Variants in KIF13B observed in about 807,000 individuals in gnomAD.
KIF13B encodes kinesin-like protein KIF13B.
Under a neutral mutation model 222.0 loss-of-function variants are expected in KIF13B, and 127 were observed. The ratio of observed to expected loss-of-function variants is 0.57; its 90% CI spans 0.50 to 0.66. The LOEUF (loss-of-function observed/expected upper bound fraction) is 0.66. Among genes scored for constraint, KIF13B ranks in the 30% least tolerant of loss-of-function variants. The probability of loss-of-function intolerance (pLI) is 0.00; values close to 1 mark genes in which losing one functional copy is unlikely to be tolerated. For synonymous variants in KIF13B, 976 were observed against 919.0 expected (o/e 1.06, Z -1.12); for missense variants, 2,173 against 2,379.0 (o/e 0.91, Z 1.80).
At chr8:29,229,146 C>A (rs1815172337) in intron 2 of KIF13B, among the ~76,000 whole-genome samples, 1 of 149,478 alleles carries the variant, frequency 6.7e-6, no homozygotes, top group Admixed American at 6.7e-5. Flanking sequence ...ATCAGGACAC[C>A]CTTCTGGAGT....
chr8:29,143,829 C>G (rs1810928145), intron 18 of KIF13B, among the ~76,000 whole-genome samples: 1 of 151,278 alleles, frequency 6.6e-6, no homozygotes, highest in African/African-American at 2.4e-5. Flanking sequence ...GGCAACAAAG[C>G]AAGACTCTGT....
chr8:29,141,109 G>A lies in KIF13B; in HGVS notation c.2335-492C>T, dbSNP rs547129584. Among the ~76,000 whole-genome samples, 27 of 151,778 alleles carry A rather than the reference G, an allele frequency of 1.8e-4. 1 individual carries two copies. The South Asian group carries it at 3.8e-3, about 21-fold the overall frequency. On this transcript the variant is annotated intron_variant, in intron 19 of 39. Coordinates refer to ENST00000524189, the MANE Select transcript of KIF13B (RefSeq NM_015254.4). ...AGCACTTTGGGAGGCCAAGGCAGGC[G>A]GGTCACCTGAGGTCAAGAGTTTGAG...
At chr8:29,232,317 G>T (rs1446239454) in intron 2 of KIF13B, among the ~76,000 whole-genome samples, 2 of 149,450 alleles carry the variant, frequency 1.3e-5, no homozygotes, top group Non-Finnish European at 3.0e-5. Flanking sequence ...AATATATATA[G>T]GCTTGGCACT....
intron 2 of KIF13B, among the ~76,000 whole-genome samples, chr8:29,228,472 A>AAAAAAAAAAAAAAAATATAT: frequency 2.0e-4 from 23 of 117,076 alleles, no homozygotes; most frequent in Middle Eastern, 4.4e-3. Context: ...ATCTTAAAAA[A>AAAAAAAAAAAAAAAATATAT]ATATATATAT....
chr8:29,178,416 ATAT>A (rs1317750813), intron 8 of KIF13B, among the ~76,000 whole-genome samples: 1 of 152,104 alleles, frequency 6.6e-6, no homozygotes, highest in African/African-American at 2.4e-5. Flanking sequence ...TCTAATTAAG[ATAT>A]TATATACATA....
At chr8:29,204,837 C>A (rs1813857800) in intron 2 of KIF13B, among the ~76,000 whole-genome samples, 1 of 151,040 alleles carries the variant, frequency 6.6e-6, no homozygotes, top group Admixed American at 6.6e-5. Context: ...ATTTTTATTT[C>A]TCTCAGTATT....
At chr8:29,252,161 C>A (rs1044867932) in intron 1 of KIF13B, among the ~76,000 whole-genome samples, 3 of 152,192 alleles carry the variant, frequency 2.0e-5, no homozygotes, top group African/African-American at 4.8e-5. Flanking sequence ...CTTTCCAGGG[C>A]AAATTCCCCA....
At chr8:29,257,442 TC>T (rs1267794926) in intron 1 of KIF13B, among the ~76,000 whole-genome samples, 1 of 152,012 alleles carries the variant, frequency 6.6e-6, no homozygotes, top group Admixed American at 6.5e-5. Context: ...CTTCAATCCA[TC>T]TCCTTAATTA....
intron 2 of KIF13B, among the ~76,000 whole-genome samples, chr8:29,228,472 A>AAAAAAAAAAAAAAAATATATATAT: frequency 1.4e-4 from 16 of 117,072 alleles, no homozygotes; most frequent in South Asian, 2.9e-4. Flanking sequence ...ATCTTAAAAA[A>AAAAAAAAAAAAAAAATATATATAT]ATATATATAT....
At chr8:29,166,908 A>G (rs1313821673) in intron 11 of KIF13B, among the ~76,000 whole-genome samples, 3 of 152,198 alleles carry the variant, frequency 2.0e-5, no homozygotes, top group East Asian at 1.9e-4. Context: ...TATTTTCTAC[A>G]AACGTAATTA....
chr8:29,196,154 T>C (rs761429375), intron 3 of KIF13B, 33 bp downstream of exon 3: 8 of 1,542,088 alleles, frequency 5.2e-6, no homozygotes, highest in African/African-American at 1.4e-5. Context: ...ATAAGATCTT[T>C]ACAAGCATCA....
rs373233419 is a variant in KIF13B at position 29,137,176 on chromosome 8, AC to A, written c.2613+2886del. ...AAATTCCATCTGAAAACCTTTTTTT[AC>A]CATTCAAAATTAATCACAATTTTAA... is the stretch of plus-strand genomic sequence containing the variant. On this transcript the variant is annotated intron_variant, in intron 21 of 39. Transcript: ENST00000524189. Among the ~76,000 whole-genome samples the A allele has an allele frequency of 9.6e-3, 1,468 of 152,272 alleles. 22 individuals carry two copies. The highest frequency in any genetic ancestry group is 0.033 in the African/African-American group (1,387 of 41,554).
intron 35 of KIF13B, among the ~76,000 whole-genome samples, chr8:29,104,901 C>T (rs1298050348): frequency 6.6e-6 from 1 of 151,842 alleles, no homozygotes; most frequent in Non-Finnish European, 1.5e-5. Context: ...CCCACCACCT[C>T]GCCCGGCTAA....
chr8:29,123,971 T>C, intron 27 of KIF13B, 53 bp downstream of exon 27: 1 of 1,088,804 alleles, frequency 9.2e-7, no homozygotes, highest in African/African-American at 1.5e-5. Flanking sequence ...GGGAGAATAA[T>C]TAATTATGCA....
At chr8:29,116,719 A>G (rs1384347301) in intron 31 of KIF13B, 112 bp downstream of exon 31, 21 of 955,404 alleles carry the variant, frequency 2.2e-5, no homozygotes, top group Non-Finnish European at 3.1e-5. Flanking sequence ...GGAAAAGAAA[A>G]GCTCAGTGCT....
intron 30 of KIF13B, 85 bp from the exon 31 acceptor site, chr8:29,117,092 T>A: frequency 1.6e-6 from 2 of 1,256,298 alleles, no homozygotes. Context: ...TGGCTCAGGC[T>A]GAAAGGGCAC....
chr8:29,075,869 C>T (rs1258213908), intron 37 of KIF13B, among the ~76,000 whole-genome samples: 1 of 152,168 alleles, frequency 6.6e-6, no homozygotes, highest in Non-Finnish European at 1.5e-5. Flanking sequence ...GGAAGGGGGT[C>T]CCCACTGAGT....
intron 2 of KIF13B, among the ~76,000 whole-genome samples, chr8:29,222,687 A>T (rs1814814792): frequency 6.6e-6 from 1 of 151,960 alleles, no homozygotes; most frequent in African/African-American, 2.4e-5. Context: ...AAGAGTTGTG[A>T]TTCAGATCAT....
chr8:29,152,366 G>A (rs1157228183), intron 14 of KIF13B, among the ~76,000 whole-genome samples: 1 of 152,162 alleles, frequency 6.6e-6, no homozygotes, highest in Non-Finnish European at 1.5e-5. Flanking sequence ...GTTCTACCGT[G>A]GGTAAAATAC....
Sources: gnomAD v4.1 joint callset for allele counts (sites outside exome capture counted in the v4.1 genomes callset) on GRCh38, gnomAD v4.1.1 for gene constraint, MANE v1.5 for transcripts, NCBI Gene and HGNC (gene_info 2026-07-23, HGNC 2026-07-21) for gene names.